ULK4: variants seen among roughly 807,000 people sequenced by gnomAD.
ULK4 encodes the protein inactive serine/threonine-protein kinase ULK4.
Under a neutral mutation model 160.6 loss-of-function variants are expected in ULK4, and 133 were observed. The observed-to-expected ratio is 0.83, with a 90% confidence interval of 0.72 to 0.96. ULK4 has a LOEUF of 0.96. ULK4 is among the 40% of genes least tolerant of loss of function. The probability of loss-of-function intolerance (pLI) is 0.00; values close to 1 mark genes in which losing one functional copy is unlikely to be tolerated. For synonymous variants in ULK4, 534 were observed against 539.8 expected (o/e 0.99, Z 0.15); for missense variants, 1,580 against 1,499.5 (o/e 1.05, Z -0.89).
At chr3:41,856,606 TATATATATACAC>T (rs2042368801) in intron 17 of ULK4, among the ~76,000 whole-genome samples, 2 of 81,724 alleles carry the variant, frequency 2.4e-5, no homozygotes, top group South Asian at 3.2e-4. Context: ...TATATATGTG[TATATATATACAC>T]ATATATATAT....
chr3:41,251,534 T>A (rs1166973915), intron 35 of ULK4, among the ~76,000 whole-genome samples: 2 of 152,296 alleles, frequency 1.3e-5, no homozygotes, highest in Middle Eastern at 3.4e-3. Flanking sequence ...TTAGCCTGGA[T>A]GCAACAAACC....
At chr3:41,519,589 A>T (rs778067577) in intron 32 of ULK4, among the ~76,000 whole-genome samples, 8 of 152,228 alleles carry the variant, frequency 5.3e-5, no homozygotes, top group Non-Finnish European at 1.2e-4. Context: ...TGAAGCATAC[A>T]TGAACATGTA....
At position 41,507,612 on chromosome 3, in the gene ULK4, CAAAAAAAAAAAAAAAAA is replaced by C. The variant is rs71075473; in HGVS notation, c.3227-44376_3227-44360del. Among the ~76,000 whole-genome samples, 17 of 75,288 alleles carry C rather than the reference CAAAAAAAAAAAAAAAAA, an allele frequency of 2.3e-4. 1 individual carries two copies. Among genetic ancestry groups the C allele is most frequent in the African/African-American group, 3.1e-4 (5 of 16,182 alleles). The allele number at this position is 75,288 out of a possible 152,430, so 49.4% of individuals were successfully genotyped here. ...TGAAATAATATATTAAAACCACCAC[CAAAAAAAAAAAAAAAAA>C]AAAAAAAAAACTGAAATTTTATTTT... On this transcript the variant is annotated intron_variant, in intron 32 of 36. Transcript: ENST00000301831.
At chr3:41,742,796 T>C (rs566606626) in intron 22 of ULK4, among the ~76,000 whole-genome samples, 1 of 151,898 alleles carries the variant, frequency 6.6e-6, no homozygotes, top group Admixed American at 6.6e-5. Context: ...ATGTACAATA[T>C]AGAACTGAAA....
intron 19 of ULK4, among the ~76,000 whole-genome samples, chr3:41,802,339 C>T (rs747090409): frequency 1.3e-5 from 2 of 152,130 alleles, no homozygotes; most frequent in African/African-American, 2.4e-5. Flanking sequence ...ACTCTGTCAC[C>T]CAGACTGAAG....
At chr3:41,568,559 T>C (rs901619848) in intron 31 of ULK4, among the ~76,000 whole-genome samples, 7 of 152,178 alleles carry the variant, frequency 4.6e-5, no homozygotes, top group Non-Finnish European at 8.8e-5. Context: ...CTAATATGTG[T>C]TTCTAGGAGA....
chr3:41,392,787 A>G (rs1401003637), intron 35 of ULK4, among the ~76,000 whole-genome samples: 1 of 152,170 alleles, frequency 6.6e-6, no homozygotes, highest in Non-Finnish European at 1.5e-5. Flanking sequence ...CTTATGGTCA[A>G]GAAAATGCAT....
rs984661040 is a variant in ULK4 at position 41,735,710 on chromosome 3, T to C, written c.2322-17849A>G. 4.0e-5 allele frequency among the ~76,000 whole-genome samples: 6 copies of C among 150,162 alleles called. No individual in the cohort carries two copies. In the East Asian group the frequency reaches 5.8e-4, roughly 15 times the overall value. On this transcript the variant is annotated intron_variant, in intron 22 of 36. Coordinates refer to ENST00000301831, the MANE Select transcript of ULK4 (RefSeq NM_017886.4). The stretch of plus-strand genomic sequence containing the variant: ...ATTTTATTATTATTATTATTATTAT[T>C]ATTATACTTTAAGTTTTAGGGTACA...
intron 19 of ULK4, among the ~76,000 whole-genome samples, chr3:41,800,987 A>C (rs2040442072): frequency 6.6e-6 from 1 of 152,224 alleles, no homozygotes; most frequent in Non-Finnish European, 1.5e-5. Flanking sequence ...CTAATTGAAC[A>C]CTGCCAAGCA....
At chr3:41,794,576 G>A (rs112265441) in intron 20 of ULK4, among the ~76,000 whole-genome samples, 18,417 of 143,852 alleles carry the variant, frequency 0.13, 1,314 homozygotes, top group Middle Eastern at 0.28. Flanking sequence ...CAGGAGAATC[G>A]CTTGAACCCA....
chr3:41,304,383 C>T (rs536416100), intron 35 of ULK4, among the ~76,000 whole-genome samples: 14 of 151,978 alleles, frequency 9.2e-5, no homozygotes, highest in African/African-American at 2.9e-4. Flanking sequence ...CACTGAGTAT[C>T]TCCAAGACAA....
chr3:41,572,022 C>T (rs2087995428), intron 31 of ULK4, among the ~76,000 whole-genome samples: 1 of 152,176 alleles, frequency 6.6e-6, no homozygotes, highest in Non-Finnish European at 1.5e-5. Flanking sequence ...GTCCTGTACT[C>T]CACTTCACCT....
chr3:41,601,454 T>C (rs1354381857), intron 31 of ULK4, among the ~76,000 whole-genome samples: 3 of 152,150 alleles, frequency 2.0e-5, no homozygotes, highest in African/African-American at 7.2e-5. Flanking sequence ...ATTCTTTGAG[T>C]GTCAGAAGTA....
At chr3:41,707,475 G>A (rs2036940548) in intron 25 of ULK4, among the ~76,000 whole-genome samples, 1 of 152,102 alleles carries the variant, frequency 6.6e-6, no homozygotes, top group African/African-American at 2.4e-5. Flanking sequence ...TCTATGAGGG[G>A]GTGAATATGC....
chr3:41,811,040 C>A (rs1479179859), intron 19 of ULK4, among the ~76,000 whole-genome samples: 1 of 151,490 alleles, frequency 6.6e-6, no homozygotes, highest in African/African-American at 2.4e-5. Context: ...TGCACCACTA[C>A]ACTGGGCTAA....
At chr3:41,842,217 G>A (rs528831194) in intron 17 of ULK4, among the ~76,000 whole-genome samples, 9 of 149,414 alleles carry the variant, frequency 6.0e-5, no homozygotes, top group African/African-American at 1.7e-4. Flanking sequence ...AAGGTGGGAG[G>A]ACTGCTTGAG....
intron 29 of ULK4, among the ~76,000 whole-genome samples, chr3:41,670,684 A>G (rs560562928): frequency 2.0e-5 from 3 of 152,176 alleles, no homozygotes; most frequent in Non-Finnish European, 4.4e-5. Context: ...ATAAGTGTTA[A>G]ATATAATTGC....
At chr3:41,620,220 T>C (rs1291354996) in intron 30 of ULK4, among the ~76,000 whole-genome samples, 1 of 152,112 alleles carries the variant, frequency 6.6e-6, no homozygotes, top group African/African-American at 2.4e-5. Context: ...CTGGAACCAT[T>C]TCAAACAACA....
At position 41,649,481 on chromosome 3, in the gene ULK4, C is replaced by T. The variant is rs138553116; in HGVS notation, c.3071+14126G>A. On this transcript the variant is annotated intron_variant, in intron 30 of 36. Coordinates refer to ENST00000301831, the MANE Select transcript of ULK4 (RefSeq NM_017886.4). The stretch of plus-strand genomic sequence containing the variant: ...GCCCCTGTACCCCCTGCCACCCCTA[C>T]GCTCAGAAGTGCCTGCTCCTGCTCC... Among the ~76,000 whole-genome samples, 50 of 152,286 alleles carry T rather than the reference C, an allele frequency of 3.3e-4. No individual in the cohort carries two copies. The Middle Eastern group carries it at 0.014, about 41-fold the overall frequency.
Sources: gnomAD v4.1 joint callset for allele counts (sites outside exome capture counted in the v4.1 genomes callset) on GRCh38, gnomAD v4.1.1 for gene constraint, MANE v1.5 for transcripts, NCBI Gene and HGNC (gene_info 2026-07-23, HGNC 2026-07-21) for gene names.